STK32B: variants seen among roughly 807,000 people sequenced by gnomAD.
The protein encoded by STK32B is serine/threonine-protein kinase 32B.
A neutral mutation model predicts 52.6 loss-of-function variants in STK32B; 43 were observed. The observed-to-expected ratio is 0.82, with a 90% CI of 0.64 to 1.05. The LOEUF (loss-of-function observed/expected upper bound fraction) is 1.05, where lower values mean the gene tolerates loss of function less well. STK32B is among the 50% of genes least tolerant of loss of function. The pLI, the probability that STK32B is intolerant of heterozygous loss-of-function variation, is 0.00. For missense variants in STK32B, 621 were observed against 534.6 expected (o/e 1.16, Z -1.59); for synonymous variants, 238 against 204.3 (o/e 1.17, Z -1.41).
chr4:5,197,529 A>G (rs1346689000), intron 3 of STK32B, among the ~76,000 whole-genome samples: 4 of 151,968 alleles, frequency 2.6e-5, no homozygotes, highest in East Asian at 3.9e-4. Flanking sequence ...TTTTTCATTT[A>G]TTTGCTTAGT....
chr4:5,188,366 T>G (rs1720910479), intron 3 of STK32B, among the ~76,000 whole-genome samples: 1 of 152,192 alleles, frequency 6.6e-6, no homozygotes, highest in African/African-American at 2.4e-5. Flanking sequence ...AATTGGAAAC[T>G]GTGGTGCCCT....
At chr4:5,142,182 A>G (rs531404220) in intron 2 of STK32B, among the ~76,000 whole-genome samples, 31 of 152,270 alleles carry the variant, frequency 2.0e-4, no homozygotes, top group African/African-American at 7.5e-4. Context: ...GTTGAGTAAG[A>G]AGTGATCCCT....
chr4:5,230,486 G>A (rs967662563), intron 3 of STK32B, among the ~76,000 whole-genome samples: 1 of 151,968 alleles, frequency 6.6e-6, no homozygotes, highest in African/African-American at 2.4e-5. Flanking sequence ...CACCGCACCC[G>A]GCCACATTCC....
chr4:5,130,171 C>T (rs184168644), intron 1 of STK32B, among the ~76,000 whole-genome samples: 16 of 149,844 alleles, frequency 1.1e-4, no homozygotes, highest in Admixed American at 2.0e-4. Flanking sequence ...CCTTCTCCGG[C>T]GGGGGGAGGC....
In STK32B at chr4:5,343,094, TC is replaced by T. The variant is rs537643898; in HGVS notation, c.434+11707del. On this transcript the variant is annotated intron_variant, in intron 4 of 11. Transcript: ENST00000282908. ...TAGGTATATCTCCTAATGCTATCCC[TC>T]CCCCCTCCCCCACCCCACAACAGGC... is the stretch of plus-strand genomic sequence containing the variant. Among the ~76,000 whole-genome samples the T allele has an allele frequency of 5.3e-3, 535 of 101,392 alleles. 5 individuals are homozygous for T. Among genetic ancestry groups the T allele is most frequent in the African/African-American group, 0.018 (499 of 27,022 alleles). The allele number at this position is 101,392 out of a possible 152,430, so 66.5% of individuals were successfully genotyped here.
chr4:5,319,236 G>A (rs763128285), intron 3 of STK32B, among the ~76,000 whole-genome samples: 13 of 152,238 alleles, frequency 8.5e-5, no homozygotes, highest in South Asian at 2.1e-4. Context: ...GACTAATGAG[G>A]ATATGGGGCC....
rs559823041 is a variant in STK32B, at chr4:5,417,987, G to A, written c.562+1053G>A. Among the ~76,000 whole-genome samples, 7 of 152,332 alleles carry A rather than the reference G, an allele frequency of 4.6e-5. No individual in the cohort carries two copies. In the South Asian group the frequency reaches 1.4e-3, roughly 32 times the overall value. On this transcript the variant is annotated intron_variant, in intron 6 of 11. Coordinates refer to ENST00000282908, the MANE Select transcript of STK32B (RefSeq NM_018401.3). ...TGAGCTTCCTCACATGCAGTTTCAA[G>A]ATGGTAGAGCCAGTTCTCCCATGCT...
chr4:5,319,351 A>G (rs956935162), intron 3 of STK32B, among the ~76,000 whole-genome samples: 2 of 152,168 alleles, frequency 1.3e-5, no homozygotes, highest in Admixed American at 6.5e-5. Flanking sequence ...TATTGCCTCA[A>G]CTGCTCTCCT....
At chr4:5,447,597 C>T (rs1715578847) in intron 7 of STK32B, among the ~76,000 whole-genome samples, 1 of 152,196 alleles carries the variant, frequency 6.6e-6, no homozygotes, top group Non-Finnish European at 1.5e-5. Flanking sequence ...GATGGCACCA[C>T]TGCACTCTAG....
intron 4 of STK32B, among the ~76,000 whole-genome samples, chr4:5,351,577 A>T (rs533971158): frequency 2.3e-3 from 350 of 152,144 alleles, no homozygotes; most frequent in African/African-American, 8.1e-3. Flanking sequence ...AACAAACCAA[A>T]TTCAAAATTA....
chr4:5,241,427 C>T (rs919175084), intron 3 of STK32B, among the ~76,000 whole-genome samples: 9 of 152,132 alleles, frequency 5.9e-5, no homozygotes, highest in African/African-American at 2.2e-4. Context: ...TGGATCTGAC[C>T]AGCACCTGGA....
At position 5,499,206 on chromosome 4, in the gene STK32B, G is replaced by A. The variant is rs1203654795; in HGVS notation, c.*123G>A. On this transcript the variant is annotated 3_prime_UTR_variant, in exon 12 of 12. Transcript: ENST00000282908. Reference sequence around the variant, plus strand: ...AAACATCAGATGCAGAAAAAGCCCTGGACTTGGAGCTGGGAAGCCTGGGTT... The same window carrying A: ...AAACATCAGATGCAGAAAAAGCCCTAGACTTGGAGCTGGGAAGCCTGGGTT... 2.2e-6 allele frequency: 3 copies of A among 1,347,192 alleles called. No individual in the cohort carries two copies. The highest frequency in any genetic ancestry group is 2.9e-6 in the Non-Finnish European group (3 of 1,023,146). 83.5% of individuals were successfully genotyped at this position (1,347,192 alleles called of 1,614,324 possible). A position where few individuals can be genotyped will look rare whatever the true frequency, so the allele number is the denominator to read the frequency against.
chr4:5,225,480 C>T (rs571496380), intron 3 of STK32B, among the ~76,000 whole-genome samples: 1 of 152,178 alleles, frequency 6.6e-6, no homozygotes, highest in African/African-American at 2.4e-5. Context: ...TTTATAAATG[C>T]ATTTTAAAAT....
intron 5 of STK32B, among the ~76,000 whole-genome samples, chr4:5,404,273 C>T (rs1488261830): frequency 6.6e-6 from 1 of 152,100 alleles, no homozygotes; most frequent in Admixed American, 6.5e-5. Flanking sequence ...AGGCTCTTCT[C>T]CAGGGCCCTC....
chr4:5,192,070 A>G (rs1466212886), intron 3 of STK32B, among the ~76,000 whole-genome samples: 1 of 152,192 alleles, frequency 6.6e-6, no homozygotes, highest in Admixed American at 6.5e-5. Flanking sequence ...ATCCATTGCC[A>G]GGGAGGCATG....
chr4:5,455,315 C>T lies in STK32B; in HGVS notation c.667-1492C>T, dbSNP rs944042530. 5.3e-5 allele frequency among the ~76,000 whole-genome samples: 8 copies of T among 152,226 alleles called. No homozygotes were observed. In the East Asian group the frequency reaches 1.5e-3, roughly 29 times the overall value. ...GGACCTTAAGTGCCGCAGTGTTACCCACACAACATGTAGGCTCGATCACGT... is the reference window on the plus strand; with the variant it reads ...GGACCTTAAGTGCCGCAGTGTTACCTACACAACATGTAGGCTCGATCACGT... On this transcript the variant is annotated intron_variant, in intron 7 of 11. Coordinates refer to ENST00000282908, the MANE Select transcript of STK32B (RefSeq NM_018401.3).
At chr4:5,343,959 T>C (rs1373405750) in intron 4 of STK32B, among the ~76,000 whole-genome samples, 1 of 152,162 alleles carries the variant, frequency 6.6e-6, no homozygotes, top group Non-Finnish European at 1.5e-5. Flanking sequence ...TTTTAATATA[T>C]AAAGTAGTGC....
rs770924559 is a variant in STK32B, at chr4:5,051,832, C to G, written c.-32C>G. Reference sequence around the variant, plus strand: ...ATCCCGCATCCGGCATCCCAGCGGCCGGGCATGTAGCAGCGGCAGCAACGG... The same window carrying G: ...ATCCCGCATCCGGCATCCCAGCGGCGGGGCATGTAGCAGCGGCAGCAACGG... On this transcript the variant is annotated 5_prime_UTR_variant, in exon 1 of 12. Transcript: ENST00000282908. 3.8e-6 allele frequency: 6 copies of G among 1,581,448 alleles called. No individual in the cohort carries two copies. Among genetic ancestry groups the G allele is most frequent in the African/African-American group, 2.7e-5 (2 of 73,708 alleles).
intron 3 of STK32B, among the ~76,000 whole-genome samples, chr4:5,189,902 C>T (rs1203966805): frequency 1.3e-5 from 2 of 152,136 alleles, no homozygotes; most frequent in Non-Finnish European, 2.9e-5. Context: ...ATGTCCTCTG[C>T]ATTTTTACCA....
Sources: allele counts gnomAD v4.1 joint callset (sites outside exome capture counted in the v4.1 genomes callset), GRCh38; gene constraint gnomAD v4.1.1; transcripts MANE v1.5; gene names NCBI Gene and HGNC (gene_info 2026-07-23, HGNC 2026-07-21).